Variants in ITGAM observed in about 807,000 individuals in gnomAD.
The protein encoded by ITGAM is integrin alpha-M.
ITGAM carries 79 observed loss-of-function variants against 137.5 expected under a neutral mutation model. The ratio of observed to expected loss-of-function variants is 0.57; its 90% CI spans 0.48 to 0.69. ITGAM has a LOEUF of 0.69. Ranked by LOEUF, ITGAM falls within the 30% of genes least tolerant of loss-of-function variation. The pLI is 0.00. For synonymous variants in ITGAM, 583 were observed against 592.3 expected, an observed-to-expected ratio of 0.98 and a Z score of 0.23; for missense variants, 1,343 against 1,483.5, an observed-to-expected ratio of 0.91 and a Z score of 1.56.
rs1468764574 is a variant in ITGAM, at chr16:31,324,732, A to T, written c.2239A>T (p.Asn747Tyr). ...LVGTPLSAFG[N>Y]LRPVLAEDAQ... ...GGGAACGCCATTGTCTGCTTTCGGG[A>T]ACCTCCGGCCAGTGCTGGCGGAGGA... Residue 747 changes from asparagine to tyrosine, a missense_variant, in exon 18 of 30, where the codon AAC becomes TAC. Asn to Tyr is a moderately radical substitution (Grantham distance 143). Coordinates refer to ENST00000544665, the MANE Select transcript of ITGAM (RefSeq NM_000632.4). This position sits in a 1 kb window ranked among gnomAD's most constrained non-coding sequence, Gnocchi z 4.5. 1 of 1,597,070 alleles carries T rather than the reference A, an allele frequency of 6.3e-7. No individual in the cohort carries two copies. Among genetic ancestry groups the T allele is most frequent in the Non-Finnish European group, 8.5e-7 (1 of 1,172,350 alleles).
intron 12 of ITGAM, among the ~76,000 whole-genome samples, chr16:31,285,873 C>T (rs1342926989): frequency 6.6e-6 from 1 of 150,680 alleles, no homozygotes; most frequent in Non-Finnish European, 1.5e-5. Context: ...GCTCAAGCAA[C>T]GTTGCCCAGG....
intron 14 of ITGAM, among the ~76,000 whole-genome samples, chr16:31,299,168 T>C (rs952912497): frequency 1.3e-5 from 2 of 152,214 alleles, no homozygotes; most frequent in Admixed American, 6.5e-5. Context: ...CTGTCATCTA[T>C]TGGTGCAATG....
chr16:31,331,973 G>A lies in ITGAM; in HGVS notation c.*266G>A. On this transcript the variant is annotated 3_prime_UTR_variant, in exon 30 of 30. Transcript: ENST00000544665. ...AGTATGTGAGTGTGTCCAAGTGTGT[G>A]TGCGTGTGTCCATGTGTGTGCAAGT... 3.8e-6 allele frequency: 2 copies of A among 530,374 alleles called. No homozygotes were observed. The highest frequency in any genetic ancestry group is 3.3e-6 in the Non-Finnish European group (1 of 299,312). 32.9% of individuals were successfully genotyped at this position (530,374 alleles called of 1,614,324 possible).
intron 7 of ITGAM, among the ~76,000 whole-genome samples, chr16:31,272,422 A>AGTATATATATATAT (rs2079850545): frequency 8.2e-5 from 4 of 48,968 alleles, no homozygotes; most frequent in African/African-American, 2.9e-4. Flanking sequence ...AGGCCAATTA[A>AGTATATATATATAT]CTATATATAT....
At chr16:31,320,614 A>G (rs191476444) in intron 14 of ITGAM, among the ~76,000 whole-genome samples, 1 of 152,276 alleles carries the variant, frequency 6.6e-6, no homozygotes, top group East Asian at 1.9e-4. Context: ...ATTTGTTCCA[A>G]TTACATAATA....
chr16:31,328,087 A>G, intron 22 of ITGAM, 60 bp from the exon 23 acceptor site: 1 of 1,268,324 alleles, frequency 7.9e-7, no homozygotes, highest in Non-Finnish European at 1.2e-6. Context: ...AGGGAGAGGG[A>G]GGAGCAAAGA....
At chr16:31,330,807 G>GAC (rs10661829) in intron 28 of ITGAM, among the ~76,000 whole-genome samples, 100,683 of 150,628 alleles carry the variant, frequency 0.67, 33,883 homozygotes, top group Middle Eastern at 0.85. Flanking sequence ...CACAGAGACA[G>GAC]ACAAAGGAGA....
At chr16:31,311,413 A>G (rs2080329291) in intron 14 of ITGAM, among the ~76,000 whole-genome samples, 1 of 152,238 alleles carries the variant, frequency 6.6e-6, no homozygotes, top group South Asian at 2.1e-4. Context: ...TCCAGAATCT[A>G]CAATGAACTC....
chr16:31,311,110 T>C (rs911272090), intron 14 of ITGAM, among the ~76,000 whole-genome samples: 6 of 152,192 alleles, frequency 3.9e-5, no homozygotes, highest in Non-Finnish European at 8.8e-5. Context: ...GATCCCTTCC[T>C]TACACCGTAT....
chr16:31,296,530 T>A (rs1334319284), intron 12 of ITGAM, among the ~76,000 whole-genome samples: 1 of 152,238 alleles, frequency 6.6e-6, no homozygotes, highest in Non-Finnish European at 1.5e-5. Context: ...CAAATTCTGT[T>A]GACTTTAGGA....
chr16:31,272,954 G>A (rs886164368), intron 7 of ITGAM, among the ~76,000 whole-genome samples: 2 of 151,780 alleles, frequency 1.3e-5, no homozygotes, highest in Non-Finnish European at 2.9e-5. Context: ...CCGAGACCTC[G>A]CCTAGCTGTA....
At chr16:31,325,684 T>C in intron 21 of ITGAM, 62 bp downstream of exon 21, 1 of 1,566,756 alleles carries the variant, frequency 6.4e-7, no homozygotes, top group Non-Finnish European at 8.6e-7. Context: ...TCTTTTCTTC[T>C]TCTTCTCTTC....
chr16:31,301,663 C>T (rs2080198808), intron 14 of ITGAM, among the ~76,000 whole-genome samples: 1 of 152,074 alleles, frequency 6.6e-6, no homozygotes, highest in South Asian at 2.1e-4. Context: ...TCCTCAATTT[C>T]CAGAGTACTA....
intron 14 of ITGAM, among the ~76,000 whole-genome samples, chr16:31,313,742 C>A (rs2144450382): frequency 6.6e-6 from 1 of 152,108 alleles, no homozygotes; most frequent in African/African-American, 2.4e-5. Context: ...GGGTATATAC[C>A]CAGTAATGGG....
chr16:31,277,578 G>A (rs557112068), intron 11 of ITGAM, among the ~76,000 whole-genome samples: 5 of 152,052 alleles, frequency 3.3e-5, no homozygotes, highest in South Asian at 2.1e-4. Context: ...GGCTGGTCGC[G>A]AACTCCCAAC....
chr16:31,266,198 G>A lies in ITGAM; in HGVS notation c.427+51G>A, dbSNP rs2079765910. ...AGATGCGCAGCAAAAGACCAGGGGAGGGGGCAGGACTGAGGTGACGTCTGC... is the reference window on the plus strand; with the variant it reads ...AGATGCGCAGCAAAAGACCAGGGGAAGGGGCAGGACTGAGGTGACGTCTGC... On this transcript the variant is annotated intron_variant, in intron 5 of 29. Coordinates refer to ENST00000544665, the MANE Select transcript of ITGAM (RefSeq NM_000632.4). The A allele has an allele frequency of 3.0e-6, 4 of 1,319,734 alleles. No individual in the cohort carries two copies. In the South Asian group the frequency reaches 3.5e-5, roughly 12 times the overall value. The allele number at this position is 1,319,734 out of a possible 1,614,324, so 81.8% of individuals were successfully genotyped here.
At chr16:31,328,672 GTGTGCATGGGTGTGTATT>G (rs1031561616) in intron 23 of ITGAM, among the ~76,000 whole-genome samples, 7 of 149,810 alleles carry the variant, frequency 4.7e-5, no homozygotes, top group African/African-American at 1.7e-4. Context: ...TATGTGCATT[GTGTGCATGGGTGTGTATT>G]TGTGCATGTG....
intron 15 of ITGAM, 27 bp from the exon 16 acceptor site, chr16:31,321,437 C>G: frequency 6.2e-7 from 1 of 1,613,742 alleles, no homozygotes; most frequent in Non-Finnish European, 8.5e-7. Flanking sequence ...TTTGAAGGTC[C>G]CTGATGGTTT....
chr16:31,307,713 C>CCTGACTTGTG (rs1172453535), intron 14 of ITGAM, among the ~76,000 whole-genome samples: 2 of 151,990 alleles, frequency 1.3e-5, no homozygotes, highest in Non-Finnish European at 2.9e-5. Flanking sequence ...AGAGGGCATC[C>CCTGACTTGTG]CTGTCTTGTG....
Sources: allele counts gnomAD v4.1 joint callset (sites outside exome capture counted in the v4.1 genomes callset), GRCh38; gene constraint gnomAD v4.1.1; non-coding constraint Gnocchi (gnomAD v3.1); transcripts MANE v1.5; gene names NCBI Gene and HGNC (gene_info 2026-07-23, HGNC 2026-07-21).